DYNC2I2: variants seen among roughly 807,000 people sequenced by gnomAD.
DYNC2I2 encodes dynein 2 intermediate chain 2, also known as cytoplasmic dynein 2 intermediate chain 2.
Under a neutral mutation model 52.0 loss-of-function variants are expected in DYNC2I2, and 39 were observed. The observed-to-expected ratio is 0.75, with a 90% CI of 0.58 to 0.98. The LOEUF (loss-of-function observed/expected upper bound fraction) is 0.98, where lower values mean the gene tolerates loss of function less well. DYNC2I2 is among the 50% of genes least tolerant of loss of function. The pLI, the probability that DYNC2I2 is intolerant of heterozygous loss-of-function variation, is 0.00. For synonymous variants in DYNC2I2, 359 were observed against 321.1 expected, an observed-to-expected ratio of 1.12 and a Z score of -1.26; for missense variants, 743 against 728.4, an observed-to-expected ratio of 1.02 and a Z score of -0.23.
At position 128,640,934 on chromosome 9, in the gene DYNC2I2, A is replaced by G. The variant is rs759293038; in HGVS notation, c.192T>C (p.Ser64=). 2 of 1,586,760 alleles carry G rather than the reference A, an allele frequency of 1.3e-6. No homozygotes were observed. The highest frequency in any genetic ancestry group is 3.5e-5 in the Admixed American group (2 of 57,754). ...CAGTGGCAATGCTGGCCGTCTGGCAACTTTTCTGGGGGGAGGGTGAAAACA... is the reference window on the plus strand; with the variant it reads ...CAGTGGCAATGCTGGCCGTCTGGCAGCTTTTCTGGGGGGAGGGTGAAAACA... ...AVQGIRWETK[S]CQTASIATAS... is the part of the protein sequence containing the mutation. Residue 64 remains serine, a synonymous_variant, in exon 2 of 9, where the codon AGT becomes AGC. Transcript: ENST00000372715.
chr9:128,642,286 C>CAAA lies in DYNC2I2; in HGVS notation c.187-1350_187-1348dup, dbSNP rs34133160. Reference sequence around the variant, plus strand: ...TGAGCGACAGAGCAAGACTCCGTCTCAAAAAAAAAAAAAAAAAAAATTAGC... The same window carrying CAAA: ...TGAGCGACAGAGCAAGACTCCGTCTCAAAAAAAAAAAAAAAAAAAAAAATTAGC... On this transcript the variant is annotated intron_variant, in intron 1 of 8. Transcript: ENST00000372715. Among the ~76,000 whole-genome samples the CAAA allele has an allele frequency of 1.2e-3, 104 of 88,888 alleles. 3 individuals carry two copies. Among genetic ancestry groups the CAAA allele is most frequent in the African/African-American group, 4.7e-3 (95 of 20,008 alleles). 58.3% of individuals were successfully genotyped at this position (88,888 alleles called of 152,430 possible).
At chr9:128,684,116 A>G in the DYNC2I2 span, 10 of 840,204 alleles carry the variant, frequency 1.2e-5, no homozygotes, top group Non-Finnish European at 1.9e-5. Context: ...AGCACCCCCA[A>G]AGGGTTTTAA....
the DYNC2I2 span, among the ~76,000 whole-genome samples, chr9:128,680,021 T>A: frequency 6.6e-6 from 1 of 152,104 alleles, no homozygotes; most frequent in Non-Finnish European, 1.5e-5. Context: ...CTTCTAATAG[T>A]ACATGCTAAT....
chr9:128,658,431 C>G (rs1277924396), upstream of DYNC2I2, among the ~76,000 whole-genome samples: 1 of 152,018 alleles, frequency 6.6e-6, no homozygotes, highest in Non-Finnish European at 1.5e-5. Flanking sequence ...TGCCAAAGTG[C>G]TGGGATTACA....
intron 1 of DYNC2I2, chr9:128,651,720 C>A (rs1484367191): frequency 1.4e-5 from 2 of 142,712 alleles, no homozygotes; most frequent in African/African-American, 5.3e-5. Context: ...TTGAGACCAG[C>A]CTGGCCAACA....
At chr9:128,659,853 A>G (rs1357893623), upstream of DYNC2I2, among the ~76,000 whole-genome samples, 2 of 151,598 alleles carry the variant, frequency 1.3e-5, no homozygotes, top group Non-Finnish European at 2.9e-5. Flanking sequence ...AGTGGCAGTG[A>G]GGCAAGATGG....
chr9:128,683,909 G>A, the DYNC2I2 span: 17 of 1,552,332 alleles, frequency 1.1e-5, no homozygotes, highest in Admixed American at 2.0e-5. Context: ...GCCCCTAAAC[G>A]CCAGTCTCCA....
At chr9:128,645,895 T>C (rs144922973) in intron 1 of DYNC2I2, among the ~76,000 whole-genome samples, 123 of 152,296 alleles carry the variant, frequency 8.1e-4, no homozygotes, top group African/African-American at 2.9e-3. Flanking sequence ...TTATTGCTGA[T>C]AGGGATAAAG....
At chr9:128,654,318 G>T (rs1362527912) in intron 1 of DYNC2I2, among the ~76,000 whole-genome samples, 1 of 152,148 alleles carries the variant, frequency 6.6e-6, no homozygotes, top group Non-Finnish European at 1.5e-5. Context: ...CTCTCTGCAG[G>T]TTCATGCAGC....
At chr9:128,661,610 C>T (rs1473795018), upstream of DYNC2I2, among the ~76,000 whole-genome samples, 4 of 151,890 alleles carry the variant, frequency 2.6e-5, no homozygotes, top group African/African-American at 2.4e-5. Context: ...AAGAGTGAAA[C>T]TCTGTCTCAG....
In DYNC2I2 at chr9:128,637,072, G is replaced by T. The variant is rs779393506; in HGVS notation, c.436-45C>A. 4.1e-6 allele frequency: 6 copies of T among 1,462,878 alleles called. No individual in the cohort carries two copies. In the Admixed American group the frequency reaches 5.3e-5, roughly 13 times the overall value. The allele number at this position is 1,462,878 out of a possible 1,614,324, so 90.6% of individuals were successfully genotyped here. ...CCTGAGTCCAAAGCCACCAGCAGGGGCCTCATGACTGCCTAACCAAACCCC... is the reference window on the plus strand; with the variant it reads ...CCTGAGTCCAAAGCCACCAGCAGGGTCCTCATGACTGCCTAACCAAACCCC... On this transcript the variant is annotated intron_variant, in intron 2 of 8. Coordinates refer to ENST00000372715, the MANE Select transcript of DYNC2I2 (RefSeq NM_052844.4).
chr9:128,666,769 A>AG, the DYNC2I2 span, among the ~76,000 whole-genome samples: 3 of 151,780 alleles, frequency 2.0e-5, no homozygotes, highest in African/African-American at 4.8e-5. Context: ...AAAAAAAAAA[A>AG]AAAAGAAGAT....
At chr9:128,647,141 A>T (rs1860630434) in intron 1 of DYNC2I2, among the ~76,000 whole-genome samples, 1 of 152,184 alleles carries the variant, frequency 6.6e-6, no homozygotes, top group Admixed American at 6.5e-5. Flanking sequence ...ACAAACACAC[A>T]AACAAAAAAC....
chr9:128,652,181 C>A (rs1037392587), intron 1 of DYNC2I2: 1 of 150,624 alleles, frequency 6.6e-6, no homozygotes, highest in African/African-American at 2.5e-5. Flanking sequence ...CCTGTAATCG[C>A]AGCACTTTGG....
intron 1 of DYNC2I2, among the ~76,000 whole-genome samples, chr9:128,642,401 A>G (rs1462266255): frequency 6.9e-6 from 1 of 144,168 alleles, no homozygotes; most frequent in Non-Finnish European, 1.5e-5. Flanking sequence ...GGTTGCACTG[A>G]GCCGAGATCA....
upstream of DYNC2I2, among the ~76,000 whole-genome samples, chr9:128,657,114 G>A (rs1002320072): frequency 2.2e-4 from 33 of 152,224 alleles, no homozygotes; most frequent in African/African-American, 6.8e-4. Flanking sequence ...TGGCTGAGCA[G>A]CTGATTCTTC....
intron 7 of DYNC2I2, 121 bp downstream of exon 7, chr9:128,634,568 C>T (rs534716260): frequency 8.5e-6 from 11 of 1,295,732 alleles, no homozygotes; most frequent in South Asian, 3.0e-5. Flanking sequence ...GACCTGAACA[C>T]GGGTCTCAGA....
the DYNC2I2 span, among the ~76,000 whole-genome samples, chr9:128,668,456 T>A: frequency 6.6e-6 from 1 of 151,936 alleles, no homozygotes; most frequent in Admixed American, 6.6e-5. Flanking sequence ...AGCCACTGCA[T>A]TGGGTCGTAA....
chr9:128,646,751 T>A (rs1314599231), intron 1 of DYNC2I2, among the ~76,000 whole-genome samples: 2 of 149,696 alleles, frequency 1.3e-5, no homozygotes, highest in Non-Finnish European at 3.0e-5. Flanking sequence ...GGGAGGCCAA[T>A]GAAGGTGGAT....
Sources: gnomAD v4.1 joint callset for allele counts (sites outside exome capture counted in the v4.1 genomes callset) on GRCh38, gnomAD v4.1.1 for gene constraint, MANE v1.5 for transcripts, NCBI Gene and HGNC (gene_info 2026-07-23, HGNC 2026-07-21) for gene names.